OTUD7B: variants seen among roughly 807,000 people sequenced by gnomAD.
OTUD7B encodes the protein OTU domain-containing protein 7B.
In OTUD7B, 34 loss-of-function variants were observed where a neutral mutation model predicts 82.2. The observed-to-expected ratio is 0.41, with a 90% confidence interval of 0.31 to 0.55. OTUD7B has a LOEUF of 0.55. Among genes scored for constraint, OTUD7B ranks in the 20% least tolerant of loss-of-function variants. The pLI is 0.20. For missense variants in OTUD7B, 944 were observed against 1,062.1 expected (o/e 0.89, Z 1.55); for synonymous variants, 398 against 402.7 (o/e 0.99, Z 0.14).
chr1:150,020,246 G>A, the OTUD7B span, among the ~76,000 whole-genome samples: 1 of 149,634 alleles, frequency 6.7e-6, no homozygotes, highest in African/African-American at 2.5e-5. Context: ...TGGAAGAAGG[G>A]AATGGCAGGC....
intron 1 of OTUD7B, among the ~76,000 whole-genome samples, chr1:149,984,458 A>G (rs1222971965): frequency 2.6e-5 from 4 of 150,970 alleles, no homozygotes; most frequent in Non-Finnish European, 4.4e-5. Flanking sequence ...CTTACTGACC[A>G]CTCTTCCTGC....
At chr1:150,015,313 A>G (rs376585903), upstream of OTUD7B, among the ~76,000 whole-genome samples, 166 of 11,370 alleles carry the variant, frequency 0.015, no homozygotes, top group African/African-American at 0.056. Context: ...TTTTTTTTTG[A>G]GATGGAGTCT....
chr1:150,063,083 A>G, the OTUD7B span, among the ~76,000 whole-genome samples: 1 of 152,062 alleles, frequency 6.6e-6, no homozygotes, highest in Non-Finnish European at 1.5e-5. Flanking sequence ...CATCCTTGGG[A>G]ATGCAAAGAT....
At chr1:149,985,605 G>A (rs199508954) in intron 1 of OTUD7B, among the ~76,000 whole-genome samples, 2 of 151,688 alleles carry the variant, frequency 1.3e-5, no homozygotes, top group Non-Finnish European at 2.9e-5. Flanking sequence ...TTAATTAGTC[G>A]GGTGTGGAGG....
chr1:150,047,050 G>A, the OTUD7B span, among the ~76,000 whole-genome samples: 1,085 of 151,992 alleles, frequency 7.1e-3, 9 homozygotes, highest in Middle Eastern at 0.034. Flanking sequence ...TAGCCTGGGC[G>A]ACAGAGCACA....
chr1:150,014,189 A>G (rs1264680173), upstream of OTUD7B, among the ~76,000 whole-genome samples: 3 of 142,144 alleles, frequency 2.1e-5, no homozygotes, highest in African/African-American at 7.8e-5. Flanking sequence ...GCTTGAGCAC[A>G]GGAGTTTGAG....
At chr1:149,985,174 G>A (rs184857939) in intron 1 of OTUD7B, among the ~76,000 whole-genome samples, 17 of 152,206 alleles carry the variant, frequency 1.1e-4, no homozygotes, top group Admixed American at 1.1e-3. Flanking sequence ...TTGGGAGGCC[G>A]AGGCGGGCAG....
At chr1:150,005,008 G>A (rs892376209) in intron 1 of OTUD7B, among the ~76,000 whole-genome samples, 9 of 152,054 alleles carry the variant, frequency 5.9e-5, no homozygotes, top group Admixed American at 2.6e-4. Context: ...GATTACAGGC[G>A]TGAGCCACTG....
the OTUD7B span, among the ~76,000 whole-genome samples, chr1:150,029,861 C>T: frequency 5.3e-5 from 8 of 152,270 alleles, no homozygotes; most frequent in East Asian, 1.5e-3. Flanking sequence ...CTGTTTACCC[C>T]TCATACTCTC....
the OTUD7B span, chr1:150,067,041 G>A: frequency 6.6e-6 from 1 of 152,384 alleles, no homozygotes; most frequent in Non-Finnish European, 1.5e-5. Flanking sequence ...GCGGGGGCGG[G>A]GCAGGGGGAC....
chr1:150,000,101 T>A (rs1275859100), intron 1 of OTUD7B, among the ~76,000 whole-genome samples: 10 of 151,948 alleles, frequency 6.6e-5, no homozygotes, highest in Non-Finnish European at 1.5e-4. Flanking sequence ...AAAAAGAAAA[T>A]CAGGAACGTT....
chr1:150,049,747 G>A, the OTUD7B span, among the ~76,000 whole-genome samples: 28 of 146,462 alleles, frequency 1.9e-4, no homozygotes, highest in Non-Finnish European at 2.5e-4. Flanking sequence ...AAACCACCAC[G>A]CAATTAATTT....
At chr1:150,010,879 G>T (rs1256877427), upstream of OTUD7B, among the ~76,000 whole-genome samples, 6 of 152,134 alleles carry the variant, frequency 3.9e-5, no homozygotes, top group East Asian at 1.9e-4. Context: ...TTTGGCGCTT[G>T]CCCCGCGCGT....
chr1:149,993,537 G>A lies in OTUD7B; in HGVS notation c.-66-15961C>T, dbSNP rs188959102. Among the ~76,000 whole-genome samples the A allele has an allele frequency of 3.3e-4, 50 of 152,272 alleles. No homozygotes were observed. The East Asian group carries it at 3.7e-3, about 11-fold the overall frequency. On this transcript the variant is annotated intron_variant, in intron 1 of 11. Transcript: ENST00000581312. The stretch of plus-strand genomic sequence containing the variant: ...AAAGATGAAGAGGAAATTTTAAAAG[G>A]TGAGAGGCTTTTTCAATTTACTAAA...
intron 1 of OTUD7B, among the ~76,000 whole-genome samples, chr1:149,994,859 T>G (rs1651825249): frequency 6.6e-6 from 1 of 152,134 alleles, no homozygotes; most frequent in African/African-American, 2.4e-5. Flanking sequence ...TTGGACTGAC[T>G]CTAGCAATGC....
intron 3 of OTUD7B, 52 bp from the exon 4 acceptor site, chr1:149,967,573 C>T (rs782057085): frequency 8.0e-6 from 11 of 1,370,290 alleles, no homozygotes; most frequent in Non-Finnish European, 1.0e-6. Context: ...ACTTGGAGAA[C>T]TCTACACTGA....
the OTUD7B span, among the ~76,000 whole-genome samples, chr1:150,032,465 GAAAAAA>G: frequency 0.16 from 13,632 of 85,688 alleles, 994 homozygotes; most frequent in Middle Eastern, 0.21. Flanking sequence ...CCTGTCTACA[GAAAAAA>G]AAAAAAAAAA....
chr1:149,980,278 A>G (rs1650624703), intron 1 of OTUD7B, among the ~76,000 whole-genome samples: 1 of 151,336 alleles, frequency 6.6e-6, no homozygotes. Flanking sequence ...CTAACAGCAC[A>G]TTCTTACATT....
chr1:149,947,661 G>A (rs1553772464), intron 10 of OTUD7B, among the ~76,000 whole-genome samples: 1 of 152,116 alleles, frequency 6.6e-6, no homozygotes, highest in East Asian at 1.9e-4. Flanking sequence ...TGTTGTTGTT[G>A]TAAATATTAT....
Sources: gnomAD v4.1 joint callset for allele counts (sites outside exome capture counted in the v4.1 genomes callset) on GRCh38, gnomAD v4.1.1 for gene constraint, MANE v1.5 for transcripts, NCBI Gene and HGNC (gene_info 2026-07-23, HGNC 2026-07-21) for gene names.